AFAP1: variants seen among roughly 807,000 people sequenced by gnomAD.
AFAP1 encodes the protein actin filament-associated protein 1.
A neutral mutation model predicts 93.9 loss-of-function variants in AFAP1; 75 were observed. That is an observed-to-expected ratio of 0.80 (90% CI 0.66 to 0.97). AFAP1 has a LOEUF of 0.97. AFAP1 is among the 50% of genes least tolerant of loss of function. The probability of loss-of-function intolerance (pLI) is 0.00; values close to 1 mark genes in which losing one functional copy is unlikely to be tolerated. For synonymous variants in AFAP1, 517 were observed against 430.7 expected (o/e 1.20, Z -2.48); for missense variants, 1,201 against 1,050.8 (o/e 1.14, Z -1.98).
chr4:7,850,455 G>A (rs1259483733), intron 4 of AFAP1, among the ~76,000 whole-genome samples: 3 of 152,192 alleles, frequency 2.0e-5, no homozygotes, highest in Non-Finnish European at 4.4e-5. Flanking sequence ...GCAAAACAGA[G>A]GAATTAGAAA....
At chr4:7,803,883 T>C (rs1719267783) in intron 9 of AFAP1, among the ~76,000 whole-genome samples, 1 of 152,214 alleles carries the variant, frequency 6.6e-6, no homozygotes, top group African/African-American at 2.4e-5. Context: ...TCCCCTGGGA[T>C]AACAGACCTG....
chr4:7,833,210 G>A (rs1254127363), intron 6 of AFAP1, among the ~76,000 whole-genome samples: 2 of 152,108 alleles, frequency 1.3e-5, no homozygotes, highest in East Asian at 3.9e-4. Context: ...AGAGTAAACA[G>A]ACAACCCACA....
At chr4:7,929,909 G>A (rs1234180607) in intron 1 of AFAP1, among the ~76,000 whole-genome samples, 2 of 152,212 alleles carry the variant, frequency 1.3e-5, no homozygotes, top group Non-Finnish European at 2.9e-5. Context: ...GGCCACAACG[G>A]TCAACTTGGT....
chr4:7,792,789 A>G (rs974297844), intron 11 of AFAP1, among the ~76,000 whole-genome samples: 1 of 149,534 alleles, frequency 6.7e-6, no homozygotes, highest in Non-Finnish European at 1.5e-5. Context: ...TTTATAGAAA[A>G]AGTCATCATT....
rs572604449 is a variant in AFAP1, at chr4:7,760,244, T to C, written c.*3521A>G. On this transcript the variant is annotated 3_prime_UTR_variant, in exon 18 of 18. Transcript: ENST00000420658. ...AGTAAATCTCCACATTTTAGGGTAG[T>C]TTTTGTCTATTTAGAAATGGCCAGT... 6.6e-6 allele frequency: 1 copy of C among 152,312 alleles called. No individual in the cohort carries two copies. The highest frequency in any genetic ancestry group is 2.4e-5 in the African/African-American group (1 of 41,564). The allele number at this position is 152,312 out of a possible 1,614,324, so 9.4% of individuals were successfully genotyped here. A position where few individuals can be genotyped will look rare whatever the true frequency, so the allele number is the denominator to read the frequency against.
intron 1 of AFAP1, among the ~76,000 whole-genome samples, chr4:7,929,966 G>A (rs1720972760): frequency 6.6e-6 from 1 of 152,232 alleles, no homozygotes; most frequent in South Asian, 2.1e-4. Context: ...AAGAGGCCAT[G>A]TATGCAGCAT....
chr4:7,877,251 CCA>C (rs911727703), intron 1 of AFAP1, among the ~76,000 whole-genome samples: 4 of 152,196 alleles, frequency 2.6e-5, no homozygotes, highest in Admixed American at 2.6e-4. Flanking sequence ...TGAGTGACTT[CCA>C]CAGGAAGAGA....
intron 1 of AFAP1, among the ~76,000 whole-genome samples, chr4:7,922,837 T>C (rs994944561): frequency 6.6e-6 from 1 of 152,014 alleles, no homozygotes. Context: ...ATTTAAAAAT[T>C]AGCTAGGCAT....
intron 1 of AFAP1, among the ~76,000 whole-genome samples, chr4:7,883,862 T>C (rs563649768): frequency 6.6e-6 from 1 of 152,278 alleles, no homozygotes; most frequent in East Asian, 1.9e-4. Context: ...TAGGACAACT[T>C]AACATCAAAA....
At chr4:7,874,951 A>T (rs1044474929) in intron 1 of AFAP1, among the ~76,000 whole-genome samples, 1 of 152,170 alleles carries the variant, frequency 6.6e-6, no homozygotes, top group African/African-American at 2.4e-5. Context: ...AAGTACCTAC[A>T]GATATAATCA....
intron 1 of AFAP1, among the ~76,000 whole-genome samples, chr4:7,881,094 C>T (rs1717814998): frequency 6.6e-6 from 1 of 152,140 alleles, no homozygotes; most frequent in Non-Finnish European, 1.5e-5. Context: ...AAATTTCTAA[C>T]CCGCTATAGA....
At chr4:7,934,413 C>T (rs1416186025) in intron 1 of AFAP1, among the ~76,000 whole-genome samples, 2 of 152,222 alleles carry the variant, frequency 1.3e-5, no homozygotes, top group Non-Finnish European at 2.9e-5. Context: ...GCTTCTAGAA[C>T]GGTGCCCCTG....
intron 4 of AFAP1, among the ~76,000 whole-genome samples, chr4:7,854,149 A>T (rs995153753): frequency 1.3e-5 from 2 of 152,240 alleles, no homozygotes; most frequent in Admixed American, 6.5e-5. Context: ...TTAAAAATAA[A>T]GGAACCCAAT....
chr4:7,877,118 T>G (rs549863861), intron 1 of AFAP1, among the ~76,000 whole-genome samples: 17 of 152,200 alleles, frequency 1.1e-4, no homozygotes, highest in Admixed American at 6.5e-4. Context: ...TTTTGTGGGG[T>G]TTTTTTCCCT....
intron 1 of AFAP1, among the ~76,000 whole-genome samples, chr4:7,888,085 A>C (rs34505548): frequency 0.44 from 67,268 of 151,836 alleles, 17,063 homozygotes; most frequent in Non-Finnish European, 0.6. Flanking sequence ...CCTCGGCCTC[A>C]CAAAGTGCTG....
intron 12 of AFAP1, among the ~76,000 whole-genome samples, 154 bp from the exon 13 acceptor site, chr4:7,781,781 C>T (rs1386343581): frequency 6.6e-6 from 1 of 152,106 alleles, no homozygotes; most frequent in Non-Finnish European, 1.5e-5. Flanking sequence ...ATCAATAAGG[C>T]ATGCACCCAC....
chr4:7,858,402 C>A (rs1035627708), intron 3 of AFAP1, among the ~76,000 whole-genome samples: 1 of 152,166 alleles, frequency 6.6e-6, no homozygotes, highest in Non-Finnish European at 1.5e-5. Context: ...AAGAATCACT[C>A]CACTCTCAAA....
At chr4:7,905,496 C>A (rs776051870) in intron 1 of AFAP1, among the ~76,000 whole-genome samples, 2 of 152,242 alleles carry the variant, frequency 1.3e-5, no homozygotes, top group East Asian at 1.9e-4. Flanking sequence ...GCCCTCTGGG[C>A]GCACAGCTGC....
At chr4:7,907,929 T>G (rs1404691391) in intron 1 of AFAP1, among the ~76,000 whole-genome samples, 1 of 152,138 alleles carries the variant, frequency 6.6e-6, no homozygotes, top group Non-Finnish European at 1.5e-5. Flanking sequence ...CACAGATATT[T>G]AAAAGCATGA....
Sources: allele counts gnomAD v4.1 joint callset (sites outside exome capture counted in the v4.1 genomes callset), GRCh38; gene constraint gnomAD v4.1.1; transcripts MANE v1.5; gene names NCBI Gene and HGNC (gene_info 2026-07-23, HGNC 2026-07-21).